Variants in TMTC3 observed in about 807,000 individuals in gnomAD.
The protein encoded by TMTC3 is transmembrane O-mannosyltransferase targeting cadherins 3.
Under a neutral mutation model 92.2 loss-of-function variants are expected in TMTC3, and 52 were observed. The observed-to-expected ratio is 0.56, with a 90% CI of 0.45 to 0.71. The LOEUF is 0.71. Ranked by LOEUF, TMTC3 falls within the 30% of genes least tolerant of loss-of-function variation. The pLI is 0.00. For synonymous variants in TMTC3, 339 were observed against 363.3 expected, an observed-to-expected ratio of 0.93 and a Z score of 0.76; for missense variants, 896 against 1,057.1, an observed-to-expected ratio of 0.85 and a Z score of 2.11.
At chr12:88,190,220 G>A (rs536503793) in intron 11 of TMTC3, among the ~76,000 whole-genome samples, 15 of 152,180 alleles carry the variant, frequency 9.9e-5, no homozygotes, top group Admixed American at 8.5e-4. Flanking sequence ...CCACCTCAGT[G>A]GATTATTAGC....
intron 4 of TMTC3, among the ~76,000 whole-genome samples, chr12:88,156,058 C>T (rs1482986289): frequency 2.0e-5 from 3 of 151,958 alleles, no homozygotes; most frequent in Non-Finnish European, 4.4e-5. Context: ...AGCAGTGAGT[C>T]GAGATCACGC....
chr12:88,153,429 G>A lies in TMTC3; in HGVS notation c.328G>A (p.Val110Ile), dbSNP rs2040967405. The A allele has an allele frequency of 6.2e-7, 1 of 1,613,500 alleles. No homozygotes were observed. The highest frequency in any genetic ancestry group is 1.1e-5 in the South Asian group (1 of 91,068). ...HAVVSVIFLKVCKLFLDNKSS... is the reference protein window; with the variant it reads ...HAVVSVIFLKICKLFLDNKSS... ...TGTGGTTAGTGTGATATTTCTCAAA[G>A]TATGCAAACTTTTTCTGGACAACAA... Residue 110 changes from valine to isoleucine, a missense_variant, in exon 3 of 14, where the codon GTA becomes ATA. Coordinates refer to ENST00000266712, the MANE Select transcript of TMTC3 (RefSeq NM_181783.4).
intron 1 of TMTC3, 105 bp from the exon 2 acceptor site, chr12:88,148,183 G>A (rs1189715609): frequency 1.0e-5 from 7 of 675,888 alleles, no homozygotes; most frequent in East Asian, 8.3e-5. Flanking sequence ...TTTTAGCTGC[G>A]CTTTTCTCTG....
chr12:88,159,957 T>C (rs956088477), intron 4 of TMTC3, among the ~76,000 whole-genome samples, 157 bp from the exon 5 acceptor site: 2 of 152,084 alleles, frequency 1.3e-5, no homozygotes, highest in African/African-American at 4.8e-5. Context: ...ATGTATAAAG[T>C]AAAAATTATT....
rs1309310638 is a variant in TMTC3 at position 88,190,706 on chromosome 12, GA to G, written c.1706+92del. ...CATTTTGAATGAATTGGTTTTTTTTGAAAAAAAATTATGTTTTTAATAATCT... is the reference window on the plus strand; with the variant it reads ...CATTTTGAATGAATTGGTTTTTTTTGAAAAAAATTATGTTTTTAATAATCT... On this transcript the variant is annotated intron_variant, in intron 12 of 13. Transcript: ENST00000266712. 4.5e-5 allele frequency: 63 copies of G among 1,405,318 alleles called. No homozygotes were observed. In the East Asian group the frequency reaches 8.2e-4, roughly 18 times the overall value. The allele number at this position is 1,405,318 out of a possible 1,614,324, so 87.1% of individuals were successfully genotyped here.
chr12:88,162,413 A>C (rs2471539), intron 6 of TMTC3, among the ~76,000 whole-genome samples: 132,205 of 152,100 alleles, frequency 0.87, 58,685 homozygotes, highest in East Asian at 0.99. Context: ...TCTTTTTCCT[A>C]TTTTTCTTGT....
intron 11 of TMTC3, among the ~76,000 whole-genome samples, chr12:88,190,108 A>ATT (rs2041425534): frequency 6.6e-6 from 1 of 152,138 alleles, no homozygotes; most frequent in South Asian, 2.1e-4. Context: ...GTAAAAGAAA[A>ATT]CACACACAAA....
intron 10 of TMTC3, among the ~76,000 whole-genome samples, chr12:88,188,392 G>A (rs2041402490): frequency 6.6e-6 from 1 of 151,986 alleles, no homozygotes; most frequent in Non-Finnish European, 1.5e-5. Context: ...GCAAGCTTTA[G>A]TGTAGTAAAA....
intron 4 of TMTC3, among the ~76,000 whole-genome samples, chr12:88,154,801 G>A (rs968485096): frequency 1.3e-5 from 2 of 152,146 alleles, no homozygotes; most frequent in African/African-American, 4.8e-5. Context: ...CTTTTATTGT[G>A]TGTTGATCAT....
At chr12:88,173,621 C>T (rs2041228864) in intron 8 of TMTC3, among the ~76,000 whole-genome samples, 2 of 152,038 alleles carry the variant, frequency 1.3e-5, no homozygotes, top group South Asian at 2.1e-4. Flanking sequence ...TTTCACACCG[C>T]ATGTGTTCCA....
chr12:88,150,049 A>T (rs747987082), intron 2 of TMTC3, among the ~76,000 whole-genome samples: 4 of 152,148 alleles, frequency 2.6e-5, no homozygotes, highest in Non-Finnish European at 5.9e-5. Context: ...AGATTAGGCT[A>T]TTCTTGTATT....
intron 10 of TMTC3, among the ~76,000 whole-genome samples, chr12:88,186,369 G>T (rs928899725): frequency 6.6e-6 from 1 of 152,098 alleles, no homozygotes; most frequent in Non-Finnish European, 1.5e-5. Context: ...TCTAAACAAA[G>T]TTCCTTTGTT....
intron 7 of TMTC3, among the ~76,000 whole-genome samples, chr12:88,169,256 T>G (rs1037084045): frequency 3.9e-5 from 6 of 152,126 alleles, no homozygotes; most frequent in Admixed American, 2.6e-4. Flanking sequence ...GGACTTTCTC[T>G]AGCAGTGCGT....
At chr12:88,160,884 C>CT (rs1565946876) in intron 6 of TMTC3, 33 bp downstream of exon 6, 29 of 1,523,714 alleles carry the variant, frequency 1.9e-5, no homozygotes, top group Admixed American at 6.6e-5. Flanking sequence ...TTTCTCCATT[C>CT]TTTTTTTTAA....
rs1471784686 is a variant in TMTC3 at position 88,176,302 on chromosome 12, CTACCCATGTTCAGCCAGG to C, written c.1418_1432+3del. 1.2e-6 allele frequency: 2 copies of C among 1,609,936 alleles called. No individual in the cohort carries two copies. Among genetic ancestry groups the C allele is most frequent in the Non-Finnish European group, 1.7e-6 (2 of 1,177,756 alleles). On this transcript the variant is annotated splice_donor_variant and coding_sequence_variant, in exon 10 of 14. Transcript: ENST00000266712. LOFTEE classifies it high-confidence loss of function. ...AGAGCTTTGAAATACTTCTTACAGGCTACCCATGTTCAGCCAGGTAAGCATTATTAACTAATAAAATCA... is the reference window on the plus strand; with the variant it reads ...AGAGCTTTGAAATACTTCTTACAGGCTAAGCATTATTAACTAATAAAATCA...
chr12:88,162,094 A>C (rs1565947425), intron 6 of TMTC3, among the ~76,000 whole-genome samples: 2 of 152,082 alleles, frequency 1.3e-5, no homozygotes, highest in Non-Finnish European at 2.9e-5. Flanking sequence ...AGGTTTTGAA[A>C]GATACCTTCT....
chr12:88,194,331 ATG>A (rs2041481246), intron 13 of TMTC3, among the ~76,000 whole-genome samples: 1 of 152,200 alleles, frequency 6.6e-6, no homozygotes, highest in Non-Finnish European at 1.5e-5. Flanking sequence ...ATTTTTTAAA[ATG>A]TGATACAGTC....
intron 12 of TMTC3, among the ~76,000 whole-genome samples, chr12:88,191,823 C>T (rs1173370946): frequency 6.6e-6 from 1 of 151,916 alleles, no homozygotes; most frequent in Non-Finnish European, 1.5e-5. Flanking sequence ...AATTCTTGTT[C>T]CTCAGCCTCA....
chr12:88,184,440 G>A (rs1336501253), intron 10 of TMTC3, among the ~76,000 whole-genome samples: 1 of 152,144 alleles, frequency 6.6e-6, no homozygotes, highest in Non-Finnish European at 1.5e-5. Flanking sequence ...ATTCCCTTCG[G>A]AAGCTTTTGC....
Sources: allele counts gnomAD v4.1 joint callset (sites outside exome capture counted in the v4.1 genomes callset), GRCh38; gene constraint gnomAD v4.1.1; transcripts MANE v1.5; gene names NCBI Gene and HGNC (gene_info 2026-07-23, HGNC 2026-07-21).